The following DUSP10 variants were observed in gnomAD, a reference collection of about 807,000 sequenced individuals.
DUSP10 encodes the protein dual specificity protein phosphatase 10.
A neutral mutation model predicts 30.8 loss-of-function variants in DUSP10; 14 were observed. The ratio of observed to expected loss-of-function variants is 0.46; its 90% CI spans 0.30 to 0.71. The LOEUF is 0.71. DUSP10 is among the 30% of genes least tolerant of loss of function. The probability of loss-of-function intolerance (pLI) is 0.08; values close to 1 mark genes in which losing one functional copy is unlikely to be tolerated. For synonymous variants in DUSP10, 254 were observed against 250.4 expected, an observed-to-expected ratio of 1.01 and a Z score of -0.14; for missense variants, 550 against 619.4, an observed-to-expected ratio of 0.89 and a Z score of 1.19.
chr1:221,730,697 T>C (rs1661563536), intron 2 of DUSP10, among the ~76,000 whole-genome samples: 1 of 152,224 alleles, frequency 6.6e-6, no homozygotes. Context: ...GTACTAGGCC[T>C]GCACAGCTCA....
intron 3 of DUSP10, among the ~76,000 whole-genome samples, chr1:221,704,786 T>C (rs1020231444): frequency 3.9e-5 from 6 of 152,152 alleles, no homozygotes; most frequent in African/African-American, 1.4e-4. Flanking sequence ...ACCCTGAATT[T>C]CCTTTCAGAC....
At chr1:221,708,828 T>G (rs1159782846) in intron 2 of DUSP10, among the ~76,000 whole-genome samples, 1 of 152,202 alleles carries the variant, frequency 6.6e-6, no homozygotes, top group African/African-American at 2.4e-5. Context: ...GATTCTGTGA[T>G]GGGAACCTAA....
intron 2 of DUSP10, among the ~76,000 whole-genome samples, chr1:221,724,720 T>C (rs1661376449): frequency 6.6e-6 from 1 of 152,226 alleles, no homozygotes. Flanking sequence ...TGCATGTGAA[T>C]GTGTGTGCAT....
intron 2 of DUSP10, 111 bp downstream of exon 2, chr1:221,738,823 C>G: frequency 1.5e-6 from 2 of 1,343,856 alleles, no homozygotes; most frequent in East Asian, 2.3e-5. Context: ...AGAATAAAGT[C>G]TATTTTGGTC....
chr1:221,712,501 G>A (rs1479684566), intron 2 of DUSP10, among the ~76,000 whole-genome samples: 4 of 152,058 alleles, frequency 2.6e-5, no homozygotes, highest in African/African-American at 9.7e-5. Flanking sequence ...CCTTATGTTT[G>A]AAAAGACATA....
At position 221,742,086 on chromosome 1, in the gene DUSP10, A is replaced by G. The variant is rs1661971898; in HGVS notation, c.-149T>C. ...CTTCATTGATCTCCAGCAGCAACAT[A>G]GTTACTTTCTCTTTTGCTACACTGT... is the stretch of plus-strand genomic sequence containing the variant. On this transcript the variant is annotated 5_prime_UTR_variant, in exon 1 of 4. Coordinates refer to ENST00000366899, the MANE Select transcript of DUSP10 (RefSeq NM_007207.6). The G allele has an allele frequency of 6.6e-6, 1 of 152,242 alleles. No homozygotes were observed. Among genetic ancestry groups the G allele is most frequent in the Non-Finnish European group, 1.5e-5 (1 of 68,092 alleles). 9.4% of individuals were successfully genotyped at this position (152,242 alleles called of 1,614,324 possible). A position where few individuals can be genotyped will look rare whatever the true frequency, so the allele number is the denominator to read the frequency against.
rs142715552 is a variant in DUSP10, at chr1:221,705,963, G to A, written c.1183+132C>T. 9.6e-5 allele frequency: 119 copies of A among 1,243,458 alleles called. No homozygotes were observed. The African/African-American group carries it at 1.5e-3, about 16-fold the overall frequency. 77.0% of individuals were successfully genotyped at this position (1,243,458 alleles called of 1,614,324 possible). A position where few individuals can be genotyped will look rare whatever the true frequency, so the allele number is the denominator to read the frequency against. On this transcript the variant is annotated intron_variant, in intron 3 of 3. Coordinates refer to ENST00000366899, the MANE Select transcript of DUSP10 (RefSeq NM_007207.6). ...GGAGAATGCTTAGGCTGTTTCAGGT[G>A]GCAGAGCCCTCCAAAACTCCAGGGC...
chr1:221,733,053 G>T (rs6679673), intron 2 of DUSP10, among the ~76,000 whole-genome samples: 6 of 152,096 alleles, frequency 3.9e-5, no homozygotes, highest in African/African-American at 1.4e-4. Context: ...TAAGCACTCC[G>T]ATATATCACA....
At chr1:221,726,989 A>G (rs1020251573) in intron 2 of DUSP10, among the ~76,000 whole-genome samples, 5 of 152,170 alleles carry the variant, frequency 3.3e-5, no homozygotes. Flanking sequence ...GCACTTCTAC[A>G]TATGTTATCT....
intron 3 of DUSP10, among the ~76,000 whole-genome samples, chr1:221,703,848 C>A (rs1660681569): frequency 6.6e-6 from 1 of 152,040 alleles, no homozygotes; most frequent in Non-Finnish European, 1.5e-5. Context: ...TACTGGCTAC[C>A]CACCAGTGGA....
chr1:221,740,837 T>G (rs1396728047), intron 1 of DUSP10, among the ~76,000 whole-genome samples: 1 of 152,230 alleles, frequency 6.6e-6, no homozygotes, highest in Non-Finnish European at 1.5e-5. Flanking sequence ...TCAGAGTGTC[T>G]GCAAAAAGAC....
intron 2 of DUSP10, among the ~76,000 whole-genome samples, chr1:221,714,910 A>T (rs145295423): frequency 1.6e-3 from 241 of 152,256 alleles, no homozygotes; most frequent in African/African-American, 5.6e-3. Flanking sequence ...GTTAAAAAAA[A>T]CCCAGCATTC....
At chr1:221,730,454 G>C (rs1339606244) in intron 2 of DUSP10, among the ~76,000 whole-genome samples, 1 of 152,192 alleles carries the variant, frequency 6.6e-6, no homozygotes, top group African/African-American at 2.4e-5. Flanking sequence ...AGGCAAGAAA[G>C]CAAAATCCCG....
chr1:221,720,704 C>T (rs10779454), intron 2 of DUSP10, among the ~76,000 whole-genome samples: 66,958 of 151,868 alleles, frequency 0.44, 17,418 homozygotes, highest in African/African-American at 0.71. Context: ...AGAGGTGTTC[C>T]GAAAGTATGG....
rs1030981256 is a variant in DUSP10, at chr1:221,732,563, A to G, written c.811+6371T>C. Among the ~76,000 whole-genome samples the G allele has an allele frequency of 2.6e-5, 4 of 152,238 alleles. No individual in the cohort carries two copies. The East Asian group carries it at 5.8e-4, about 22-fold the overall frequency. On this transcript the variant is annotated intron_variant, in intron 2 of 3. Coordinates refer to ENST00000366899, the MANE Select transcript of DUSP10 (RefSeq NM_007207.6). ...TAGATTCTGTTGTTATTAAATAATGATACATACGAATACCTCAGTCTGTTG... is the reference window on the plus strand; with the variant it reads ...TAGATTCTGTTGTTATTAAATAATGGTACATACGAATACCTCAGTCTGTTG...
chr1:221,724,441 G>A (rs1661366692), intron 2 of DUSP10, among the ~76,000 whole-genome samples: 1 of 151,912 alleles, frequency 6.6e-6, no homozygotes, highest in African/African-American at 2.4e-5. Flanking sequence ...CATTTCAAGA[G>A]TCAATATTAA....
At chr1:221,715,916 C>T (rs536973582) in intron 2 of DUSP10, among the ~76,000 whole-genome samples, 1 of 151,872 alleles carries the variant, frequency 6.6e-6, no homozygotes, top group East Asian at 2.0e-4. Context: ...CTATCTCTAT[C>T]CCCTTTGCCC....
intron 1 of DUSP10, among the ~76,000 whole-genome samples, chr1:221,741,639 C>A (rs983086553): frequency 6.6e-6 from 1 of 152,078 alleles, no homozygotes; most frequent in African/African-American, 2.4e-5. Flanking sequence ...CCCCCGCCCC[C>A]CGCTTCACTC....
chr1:221,730,305 G>T (rs184402387), intron 2 of DUSP10, among the ~76,000 whole-genome samples: 56 of 152,274 alleles, frequency 3.7e-4, no homozygotes, highest in Admixed American at 2.2e-3. Context: ...AGTCGAGTTC[G>T]CATTATAACA....
Sources: gnomAD v4.1 joint callset for allele counts (sites outside exome capture counted in the v4.1 genomes callset) on GRCh38, gnomAD v4.1.1 for gene constraint, MANE v1.5 for transcripts, NCBI Gene and HGNC (gene_info 2026-07-23, HGNC 2026-07-21) for gene names.